Variants in ZNF366 observed in about 807,000 individuals in gnomAD.
ZNF366 encodes the protein dendritic cell-specific transcript protein.
Under a neutral mutation model 47.2 loss-of-function variants are expected in ZNF366, and 20 were observed. That is an observed-to-expected ratio of 0.42 (90% CI 0.30 to 0.62). ZNF366 has a LOEUF of 0.62. Among genes scored for constraint, ZNF366 ranks in the 20% least tolerant of loss-of-function variants. The probability of loss-of-function intolerance (pLI) is 0.16; values close to 1 mark genes in which losing one functional copy is unlikely to be tolerated. For missense variants in ZNF366, 987 were observed against 976.3 expected (o/e 1.01, Z -0.15); for synonymous variants, 421 against 395.1 (o/e 1.07, Z -0.78).
intron 1 of ZNF366, among the ~76,000 whole-genome samples, chr5:72,471,484 T>C (rs1743562170): frequency 6.6e-6 from 1 of 152,106 alleles, no homozygotes; most frequent in South Asian, 2.1e-4. Context: ...AAGAATCTGG[T>C]ATTATCTGCT....
At chr5:72,484,575 G>T (rs1743855838) in intron 1 of ZNF366, among the ~76,000 whole-genome samples, 1 of 151,652 alleles carries the variant, frequency 6.6e-6, no homozygotes, top group South Asian at 2.1e-4. Flanking sequence ...CAACTCTTTT[G>T]CTTTGGAATG....
At chr5:72,447,495 G>A (rs10043368) in intron 3 of ZNF366, 78 bp from the exon 4 acceptor site, 843,369 of 1,507,966 alleles carry the variant, frequency 0.56, 243,172 homozygotes, top group East Asian at 0.89. Flanking sequence ...CACAGATACC[G>A]TTTCTACTTT....
chr5:72,444,008 T>C lies in ZNF366; in HGVS notation c.1983A>G (p.Glu661=), dbSNP rs201414079. 5.0e-6 allele frequency: 8 copies of C among 1,614,148 alleles called. No homozygotes were observed. In the African/African-American group the frequency reaches 1.1e-4, roughly 22 times the overall value. The change falls in exon 5 of 5, where the codon GAA becomes GAG. Residue 661 remains glutamate, a synonymous_variant. Transcript: ENST00000318442. ...KSEHAPEVLE[E]ACKEEKEDAS... is the part of the protein sequence containing the mutation. ...CATCCTCCTTCTCCTCCTTGCAGGCTTCCTCCAGCACCTCGGGGGCGTGCT... is the reference window on the plus strand; with the variant it reads ...CATCCTCCTTCTCCTCCTTGCAGGCCTCCTCCAGCACCTCGGGGGCGTGCT...
intron 1 of ZNF366, among the ~76,000 whole-genome samples, chr5:72,501,763 T>C (rs1339050023): frequency 6.6e-6 from 1 of 152,218 alleles, no homozygotes; most frequent in Non-Finnish European, 1.5e-5. Flanking sequence ...GTTCTCTGTC[T>C]CGCCAAAAAC....
intron 2 of ZNF366, among the ~76,000 whole-genome samples, chr5:72,457,106 C>T (rs539744369): frequency 1.4e-4 from 22 of 152,288 alleles, no homozygotes; most frequent in African/African-American, 5.3e-4. Flanking sequence ...TAAATTACAA[C>T]TTGATAATCA....
At chr5:72,478,657 A>G (rs1257749579) in intron 1 of ZNF366, among the ~76,000 whole-genome samples, 2 of 152,234 alleles carry the variant, frequency 1.3e-5, no homozygotes, top group Non-Finnish European at 2.9e-5. Context: ...AACCCTGGTA[A>G]TCCTACTCAT....
intron 3 of ZNF366, among the ~76,000 whole-genome samples, chr5:72,453,701 T>G (rs1220787688): frequency 6.6e-6 from 1 of 152,074 alleles, no homozygotes; most frequent in Non-Finnish European, 1.5e-5. Context: ...AGGGCAATGG[T>G]ACAAAGAGGG....
chr5:72,474,132 A>G (rs924481967), intron 1 of ZNF366, among the ~76,000 whole-genome samples: 2 of 152,254 alleles, frequency 1.3e-5, no homozygotes, highest in African/African-American at 4.8e-5. Context: ...TTGAATTTGC[A>G]CATTGTTTAA....
intron 1 of ZNF366, among the ~76,000 whole-genome samples, chr5:72,491,973 TAG>T (rs1396948803): frequency 1.3e-5 from 2 of 152,186 alleles, no homozygotes. Context: ...AGGAGTGTTC[TAG>T]GTCAAACATA....
chr5:72,460,152 G>A lies in ZNF366; in HGVS notation c.1332+13C>T, dbSNP rs757242667. The A allele has an allele frequency of 9.9e-6, 16 of 1,611,184 alleles. No individual in the cohort carries two copies. Among genetic ancestry groups the A allele is most frequent in the Non-Finnish European group, 1.4e-5 (16 of 1,178,230 alleles). ...CCAAGGCCCCGTCCGCCCCACCAGA[G>A]GCCCCGCAGTACCTTGTGGGTGAGG... is the stretch of plus-strand genomic sequence containing the variant. On this transcript the variant is annotated intron_variant, in intron 2 of 4. Transcript: ENST00000318442.
At position 72,507,332 on chromosome 5, in the gene ZNF366, TC is replaced by T; in HGVS notation, c.-97del. The T allele has an allele frequency of 2.0e-6, 2 of 985,500 alleles. No homozygotes were observed. Among genetic ancestry groups the T allele is most frequent in the Non-Finnish European group, 2.4e-6 (2 of 830,038 alleles). 61.0% of individuals were successfully genotyped at this position (985,500 alleles called of 1,614,324 possible). On this transcript the variant is annotated 5_prime_UTR_variant, in exon 1 of 5. Transcript: ENST00000318442. ...CTCTCTGTCTCTCTCCCTCTCTCTCTCCCTCTTTCTCTTGTGTACAGATTGC... is the reference window on the plus strand; with the variant it reads ...CTCTCTGTCTCTCTCCCTCTCTCTCTCCTCTTTCTCTTGTGTACAGATTGC...
Position 72,460,240 on chromosome 5 carries a change from C to T in ZNF366, c.1257G>A (p.Arg419=). The change falls in exon 2 of 5, where the codon CGG becomes CGA. Residue 419 remains arginine (R), a synonymous_variant. Coordinates refer to ENST00000318442, the MANE Select transcript of ZNF366 (RefSeq NM_152625.3). ...QNHMMKHKDI[R]PYICSECGME... ...TGCCACACTCTGAGCAGATGTAGGG[C>T]CGGATGTCCTTGTGCTTCATCATGT... 1 of 1,614,186 alleles carries T rather than the reference C, an allele frequency of 6.2e-7. No individual in the cohort carries two copies. The highest frequency in any genetic ancestry group is 8.5e-7 in the Non-Finnish European group (1 of 1,179,982).
At chr5:72,454,035 A>C (rs1743131250) in intron 3 of ZNF366, among the ~76,000 whole-genome samples, 1 of 152,216 alleles carries the variant, frequency 6.6e-6, no homozygotes, top group Non-Finnish European at 1.5e-5. Context: ...TGCCAGGCCC[A>C]TCTCTCCCAT....
chr5:72,469,715 C>A (rs57046922), intron 1 of ZNF366, among the ~76,000 whole-genome samples: 3,249 of 152,222 alleles, frequency 0.021, 112 homozygotes, highest in African/African-American at 0.072. Flanking sequence ...GTTCAGTGAA[C>A]AATCTTCTAT....
Position 72,461,135 on chromosome 5 carries a change from C to G in ZNF366, c.362G>C (p.Arg121Pro), listed in dbSNP as rs759333618. The G allele has an allele frequency of 7.8e-5, 126 of 1,613,746 alleles. No individual in the cohort carries two copies. In the South Asian group the frequency reaches 1.3e-3, roughly 17 times the overall value. ...NLPLLFPQPP[R>P]PKYDSQMIDL... ...GATCATCTGAGAGTCATACTTGGGG[C>G]GCGGGGGCTGCGGGAACAGCAAAGG... Residue 121 changes from arginine to proline, a missense_variant, in exon 2 of 5, where the codon CGC becomes CCC. Coordinates refer to ENST00000318442, the MANE Select transcript of ZNF366 (RefSeq NM_152625.3).
At chr5:72,491,597 TG>T (rs1266187762) in intron 1 of ZNF366, among the ~76,000 whole-genome samples, 2 of 152,142 alleles carry the variant, frequency 1.3e-5, no homozygotes, top group African/African-American at 4.8e-5. Context: ...TAACCCAACT[TG>T]CCTGGTTATT....
chr5:72,506,560 G>A (rs888508645), intron 1 of ZNF366, among the ~76,000 whole-genome samples: 3 of 152,078 alleles, frequency 2.0e-5, no homozygotes, highest in Non-Finnish European at 4.4e-5. Context: ...GCTGCATATT[G>A]TTTTCCAAAA....
rs772807109 is a variant in ZNF366 at position 72,460,743 on chromosome 5, G to A, written c.754C>T (p.Arg252Cys). 5.6e-6 allele frequency: 9 copies of A among 1,614,100 alleles called. No homozygotes were observed. Among genetic ancestry groups the A allele is most frequent in the South Asian group, 1.1e-5 (1 of 91,092 alleles). The change falls in exon 2 of 5, where the codon CGC becomes TGC. Residue 252 changes from arginine (R) to cysteine (C), a missense_variant. Arg to Cys is a radical substitution (Grantham distance 180). This residue lies in a region of ZNF366 where 591 missense variants were observed against 560.9 expected (regional missense o/e 1.05). Coordinates refer to ENST00000318442, the MANE Select transcript of ZNF366 (RefSeq NM_152625.3). ...YYVDVGGSQK[R>C]WQCPTCEKSY... is the part of the protein sequence containing the mutation. ...TTCTCGCAGGTGGGGCACTGCCAGC[G>A]CTTCTGCGAGCCGCCCACGTCCACG...
intron 1 of ZNF366, among the ~76,000 whole-genome samples, chr5:72,467,675 T>A (rs1743461317): frequency 6.6e-6 from 1 of 152,224 alleles, no homozygotes; most frequent in Non-Finnish European, 1.5e-5. Flanking sequence ...GTCCTGAAAT[T>A]CACAAAAGAA....
Sources: gnomAD v4.1 joint callset for allele counts (sites outside exome capture counted in the v4.1 genomes callset) on GRCh38, gnomAD v4.1.1 for gene constraint, gnomAD v4.1.1 regional missense constraint, MANE v1.5 for transcripts, NCBI Gene and HGNC (gene_info 2026-07-23, HGNC 2026-07-21) for gene names.